Variants in COL18A1 observed in about 807,000 individuals in gnomAD.
The protein encoded by COL18A1 is collagen type XVIII alpha 1 chain, also known as collagen alpha-1(XVIII) chain.
COL18A1 carries 133 observed loss-of-function variants against 168.0 expected under a neutral mutation model. That is an observed-to-expected ratio of 0.79 (90% CI 0.69 to 0.91). The LOEUF is 0.91. Among genes scored for constraint, COL18A1 ranks in the 40% least tolerant of loss-of-function variants. COL18A1 has a pLI of 0.00. For synonymous variants in COL18A1, 949 were observed against 809.0 expected (o/e 1.17, Z -2.94); for missense variants, 2,126 against 1,925.4 (o/e 1.10, Z -1.95).
In COL18A1 at chr21:45,493,177, C is replaced by T. The variant is rs376292745; in HGVS notation, c.2229C>T (p.Pro743=). The T allele has an allele frequency of 3.3e-5, 51 of 1,560,602 alleles. No individual in the cohort carries two copies. In the East Asian group the frequency reaches 4.1e-4, roughly 12 times the overall value. Residue 743 remains proline, a synonymous_variant, in exon 25 of 42, where the codon CCC becomes CCT. Coordinates refer to ENST00000651438, the MANE Select transcript of COL18A1 (RefSeq NM_001379500.1). ...GFAGFPGPAG[P]KGNLGSKGER... is the part of the protein sequence containing the mutation. ...CTCCATTCCAGGGACCTGCAGGACC[C>T]AAGGGCAACCTGGGCTCTAAGGGCG...
chr21:45,505,789 C>T (rs756086672), intron 36 of COL18A1, 49 bp from the exon 37 acceptor site: 16 of 1,337,150 alleles, frequency 1.2e-5, no homozygotes, highest in East Asian at 2.4e-5. Flanking sequence ...CCGCCCCTGC[C>T]CCCCGCCCTC....
chr21:45,446,737 T>C (rs777803682), intron 2 of COL18A1, among the ~76,000 whole-genome samples: 2 of 152,188 alleles, frequency 1.3e-5, no homozygotes, highest in Non-Finnish European at 2.9e-5. Flanking sequence ...TTACGAATTA[T>C]GGACACAGAA....
chr21:45,505,312 C>T lies in COL18A1; in HGVS notation c.3013+34C>T, dbSNP rs1288807897. The T allele has an allele frequency of 2.5e-6, 4 of 1,601,248 alleles. No homozygotes were observed. The African/African-American group carries it at 4.0e-5, about 16-fold the overall frequency. The stretch of plus-strand genomic sequence containing the variant: ...GTGGGGAGTGGGCCCCGGGCAGAGG[C>T]CGCCTCGTGTGGCTTCGTGTTCCCA... On this transcript the variant is annotated intron_variant, in intron 35 of 41. Coordinates refer to ENST00000651438, the MANE Select transcript of COL18A1 (RefSeq NM_001379500.1).
At chr21:45,421,615 C>T (rs1316488557) in intron 2 of COL18A1, 1 of 532,660 alleles carries the variant, frequency 1.9e-6, no homozygotes, top group East Asian at 5.5e-5. Context: ...CTCTTGCCTG[C>T]AGGCCTGGAA....
At position 45,481,980 on chromosome 21, in the gene COL18A1, G is replaced by T. The variant is rs533945418; in HGVS notation, c.1629G>T (p.Pro543=). The part of the protein sequence containing the change: ...FPGLPGPPGP[P]GREGPPGRTG... ...TCCCCCAGGGACCCCCAGGCCCTCC[G>T]GGAAGAGAGGGGCCCCCAGGAAGGA... Residue 543 remains proline (P), a synonymous_variant, in exon 14 of 42, where the codon CCG becomes CCT. Coordinates refer to ENST00000651438, the MANE Select transcript of COL18A1 (RefSeq NM_001379500.1). 1.2e-6 allele frequency: 2 copies of T among 1,613,506 alleles called. No individual in the cohort carries two copies. The highest frequency in any genetic ancestry group is 8.5e-7 in the Non-Finnish European group (1 of 1,179,474).
chr21:45,503,776 TAAAGTA>T (rs1295428813), intron 32 of COL18A1, among the ~76,000 whole-genome samples: 2 of 151,758 alleles, frequency 1.3e-5, no homozygotes, highest in South Asian at 2.1e-4. Context: ...CCCTAAAACT[TAAAGTA>T]TAATAATAAA....
Position 45,477,823 on chromosome 21 carries a change from C to T in COL18A1, c.1079C>T (p.Pro360Leu), listed in dbSNP as rs780234990. The T allele has an allele frequency of 5.8e-6, 9 of 1,552,514 alleles. No individual in the cohort carries two copies. Among genetic ancestry groups the T allele is most frequent in the Non-Finnish European group, 7.0e-6 (8 of 1,147,938 alleles). Residue 360 changes from proline (P) to leucine (L), a missense_variant, in exon 8 of 42, where the codon CCA becomes CTA. Pro to Leu is a moderately conservative substitution (Grantham distance 98). Transcript: ENST00000651438. ...GGCCGGGCAGGCCCCCCAGGATCCC[C>T]ATGCCTACCTGGTCCCCCGGGTCTC... ...PPGRAGPPGS[P>L]CLPGPPGLPC...
At chr21:45,506,404 G>A (rs748056847) in intron 37 of COL18A1, 12 of 323,614 alleles carry the variant, frequency 3.7e-5, no homozygotes, top group Non-Finnish European at 6.7e-5. Flanking sequence ...CACCAAGGTG[G>A]GATGAAATGC....
chr21:45,443,608 CT>C lies in COL18A1; in HGVS notation c.107-24629del, dbSNP rs2034440316. ...CTGAACTGTTCTCCGACAGGCGGCC[CT>C]TTTTCTCCCACGTGGGCGAAAAGTG... On this transcript the variant is annotated intron_variant, in intron 2 of 41. Transcript: ENST00000651438. The surrounding 1 kb of genome is among the most constrained non-coding windows in gnomAD (Gnocchi z 5.2). Among the ~76,000 whole-genome samples the C allele has an allele frequency of 6.6e-6, 1 of 152,148 alleles. No individual in the cohort carries two copies. The highest frequency in any genetic ancestry group is 2.1e-4 in the South Asian group (1 of 4,824).
chr21:45,495,875 G>A, intron 29 of COL18A1: 2 of 316,850 alleles, frequency 6.3e-6, no homozygotes, highest in Non-Finnish European at 6.2e-6. Flanking sequence ...GTATCCACAT[G>A]TGTATCCACA....
intron 19 of COL18A1, among the ~76,000 whole-genome samples, chr21:45,489,725 T>G (rs1470510845): frequency 6.6e-6 from 1 of 151,296 alleles, no homozygotes; most frequent in Non-Finnish European, 1.5e-5. Context: ...CACCCCCAGG[T>G]TTGACTGCGT....
At position 45,476,318 on chromosome 21, in the gene COL18A1, G is replaced by A. The variant is rs375939391; in HGVS notation, c.799-33G>A. ...AGTCTCCACCGGGCATCTGCCGGCC[G>A]AATAACAGGCCACCTCCCCTCTCGT... On this transcript the variant is annotated intron_variant, in intron 5 of 41. Transcript: ENST00000651438. The A allele has an allele frequency of 4.5e-5, 72 of 1,613,246 alleles. 1 individual carries two copies. The African/African-American group carries it at 7.9e-4, about 18-fold the overall frequency.
intron 2 of COL18A1, among the ~76,000 whole-genome samples, chr21:45,439,151 C>G (rs912393569): frequency 6.6e-6 from 1 of 152,268 alleles, no homozygotes; most frequent in Non-Finnish European, 1.5e-5. Flanking sequence ...TTCGAGAAAA[C>G]CTATCTGTTG....
chr21:45,477,688 C>A, intron 7 of COL18A1, 62 bp from the exon 8 acceptor site: 1 of 1,434,142 alleles, frequency 7.0e-7, no homozygotes, highest in Non-Finnish European at 9.4e-7. Context: ...CGCAGCGGGA[C>A]ACGTGGGCAG....
rs1325749522 is a variant in COL18A1 at position 45,463,342 on chromosome 21, A to G, written c.107-4900A>G. 6.6e-6 allele frequency among the ~76,000 whole-genome samples: 1 copy of G among 152,164 alleles called. No individual in the cohort carries two copies. Among genetic ancestry groups the G allele is most frequent in the Non-Finnish European group, 1.5e-5 (1 of 68,028 alleles). Reference sequence around the variant, plus strand: ...CAGGAACTCGTGCATGGCACCTGCTATGGGAATGGGGGTGGAGGATGGATG... The same window carrying G: ...CAGGAACTCGTGCATGGCACCTGCTGTGGGAATGGGGGTGGAGGATGGATG... On this transcript the variant is annotated intron_variant, in intron 2 of 41. Coordinates refer to ENST00000651438, the MANE Select transcript of COL18A1 (RefSeq NM_001379500.1). The surrounding 1 kb of genome is among the most constrained non-coding windows in gnomAD (Gnocchi z 4.0).
At chr21:45,495,650 T>C (rs958588123) in intron 29 of COL18A1, 2 of 564,324 alleles carry the variant, frequency 3.5e-6, no homozygotes, top group Non-Finnish European at 6.6e-6. Context: ...ATGGCCGTAC[T>C]CATACATGTG....
intron 27 of COL18A1, 65 bp from the exon 28 acceptor site, chr21:45,494,797 A>AC (rs2036475506): frequency 6.8e-7 from 1 of 1,459,956 alleles, no homozygotes; most frequent in Non-Finnish European, 9.4e-7. Context: ...CTTCCCCAGG[A>AC]CCCCCCAACT....
rs992790271 is a variant in COL18A1, at chr21:45,456,745, G to A, written c.107-11497G>A. On this transcript the variant is annotated intron_variant, in intron 2 of 41. Coordinates refer to ENST00000651438, the MANE Select transcript of COL18A1 (RefSeq NM_001379500.1). ...GCGGCAGCGTCCCGCCGCCCGCCCC[G>A]CCACCCTGCTGCCAGTTCTGCGAGG... 4.5e-5 allele frequency: 63 copies of A among 1,389,228 alleles called. No individual in the cohort carries two copies. Among genetic ancestry groups the A allele is most frequent in the Middle Eastern group, 1.8e-4 (1 of 5,500 alleles). The allele number at this position is 1,389,228 out of a possible 1,614,324, so 86.1% of individuals were successfully genotyped here. A position where few individuals can be genotyped will look rare whatever the true frequency, so the allele number is the denominator to read the frequency against.
intron 30 of COL18A1, among the ~76,000 whole-genome samples, 170 bp downstream of exon 30, chr21:45,496,738 G>T (rs1002507775): frequency 2.0e-5 from 3 of 152,242 alleles, no homozygotes; most frequent in African/African-American, 7.2e-5. Context: ...GAAGGTGAAG[G>T]CCTGGGAAAG....
Sources: gnomAD v4.1 joint callset for allele counts (sites outside exome capture counted in the v4.1 genomes callset) on GRCh38, gnomAD v4.1.1 for gene constraint, Gnocchi (gnomAD v3.1) non-coding constraint, MANE v1.5 for transcripts, NCBI Gene and HGNC (gene_info 2026-07-23, HGNC 2026-07-21) for gene names.